ASIC2: variants seen among roughly 807,000 people sequenced by gnomAD.
ASIC2 encodes acid sensing ion channel subunit 2.
A neutral mutation model predicts 57.3 loss-of-function variants in ASIC2; 25 were observed. The ratio of observed to expected loss-of-function variants is 0.44; its 90% CI spans 0.32 to 0.61. The LOEUF is 0.61. Ranked by LOEUF, ASIC2 falls within the 20% of genes least tolerant of loss-of-function variation. ASIC2 has a pLI of 0.06. For missense variants in ASIC2, 641 were observed against 738.1 expected, an observed-to-expected ratio of 0.87 and a Z score of 1.52; for synonymous variants, 319 against 307.5, an observed-to-expected ratio of 1.04 and a Z score of -0.39.
chr17:33,334,807 G>A (rs944118278), intron 1 of ASIC2, among the ~76,000 whole-genome samples: 13 of 152,174 alleles, frequency 8.5e-5, no homozygotes, highest in South Asian at 6.2e-4. Flanking sequence ...GATGGGGGTC[G>A]TCTTTTTGCA....
At chr17:33,919,035 C>T (rs1892446643) in intron 1 of ASIC2, among the ~76,000 whole-genome samples, 1 of 152,150 alleles carries the variant, frequency 6.6e-6, no homozygotes, top group African/African-American at 2.4e-5. Context: ...GCCATGATCC[C>T]CACCTGCCCC....
At chr17:33,680,177 T>G (rs1907956704) in intron 1 of ASIC2, among the ~76,000 whole-genome samples, 1 of 152,012 alleles carries the variant, frequency 6.6e-6, no homozygotes, top group Non-Finnish European at 1.5e-5. Context: ...TCTTGGGCCT[T>G]CTCCCCATTC....
chr17:33,709,769 A>T (rs1908970511), intron 1 of ASIC2, among the ~76,000 whole-genome samples: 1 of 152,174 alleles, frequency 6.6e-6, no homozygotes, highest in South Asian at 2.1e-4. Context: ...GGTATAAAGA[A>T]CCCTTAATAT....
chr17:33,321,221 C>T (rs966509505), intron 1 of ASIC2, among the ~76,000 whole-genome samples: 2 of 152,112 alleles, frequency 1.3e-5, no homozygotes, highest in African/African-American at 2.4e-5. Context: ...AATACGTGTG[C>T]CATTATTTCC....
chr17:33,826,777 G>A (rs912602088), intron 1 of ASIC2, among the ~76,000 whole-genome samples: 1 of 152,124 alleles, frequency 6.6e-6, no homozygotes, highest in African/African-American at 2.4e-5. Flanking sequence ...GGAAAAGGAG[G>A]GAAGTCGTTA....
chr17:33,712,849 T>G (rs981000495), intron 1 of ASIC2, among the ~76,000 whole-genome samples: 1 of 151,280 alleles, frequency 6.6e-6, no homozygotes, highest in Admixed American at 6.6e-5. Flanking sequence ...GTTTCACCGT[T>G]TTAGCCGGGA....
chr17:33,428,387 G>A (rs1911289653), intron 1 of ASIC2, among the ~76,000 whole-genome samples: 1 of 152,142 alleles, frequency 6.6e-6, no homozygotes. Flanking sequence ...TTAGAGAATC[G>A]AGTGAGTAAG....
At chr17:33,892,447 G>A (rs937700997) in intron 1 of ASIC2, among the ~76,000 whole-genome samples, 1 of 152,068 alleles carries the variant, frequency 6.6e-6, no homozygotes, top group Non-Finnish European at 1.5e-5. Context: ...GAATATTTAC[G>A]CCCACCTGGC....
At chr17:33,169,744 T>C (rs1427708995) in intron 1 of ASIC2, among the ~76,000 whole-genome samples, 1 of 152,198 alleles carries the variant, frequency 6.6e-6, no homozygotes, top group African/African-American at 2.4e-5. Context: ...TCTCACATCC[T>C]TCTCTGCCAT....
intron 1 of ASIC2, among the ~76,000 whole-genome samples, chr17:33,383,945 T>A (rs1417788037): frequency 6.6e-6 from 1 of 151,762 alleles, no homozygotes; most frequent in Non-Finnish European, 1.5e-5. Flanking sequence ...TACTCAGGAG[T>A]GAGTTAAACA....
intron 3 of ASIC2, among the ~76,000 whole-genome samples, chr17:33,049,253 A>G (rs754887696): frequency 2.0e-5 from 3 of 152,156 alleles, no homozygotes; most frequent in Non-Finnish European, 4.4e-5. Flanking sequence ...TGGGAGTAGC[A>G]TGGTGTGGCT....
At chr17:33,361,931 G>A (rs756673915) in intron 1 of ASIC2, among the ~76,000 whole-genome samples, 4 of 152,074 alleles carry the variant, frequency 2.6e-5, no homozygotes, top group Non-Finnish European at 2.9e-5. Context: ...CTTGACCTTC[G>A]CTTGGTTTTA....
At chr17:33,706,288 T>C (rs1405911451) in intron 1 of ASIC2, among the ~76,000 whole-genome samples, 1 of 151,466 alleles carries the variant, frequency 6.6e-6, no homozygotes, top group East Asian at 1.9e-4. Flanking sequence ...AGTGGCACAT[T>C]CTCAGCTCAC....
chr17:33,471,050 G>A (rs1276400073), intron 1 of ASIC2, among the ~76,000 whole-genome samples: 1 of 152,148 alleles, frequency 6.6e-6, no homozygotes, highest in African/African-American at 2.4e-5. Context: ...GTCACACCAG[G>A]CCAGGTAGCT....
chr17:33,196,248 A>G (rs1172540833), intron 1 of ASIC2, among the ~76,000 whole-genome samples: 1 of 152,182 alleles, frequency 6.6e-6, no homozygotes, highest in Non-Finnish European at 1.5e-5. Context: ...GATGGAACTG[A>G]CATACAAATC....
intron 1 of ASIC2, among the ~76,000 whole-genome samples, chr17:33,687,883 C>T (rs573713337): frequency 1.7e-4 from 26 of 152,220 alleles, no homozygotes; most frequent in African/African-American, 6.0e-4. Flanking sequence ...TGGCTCTTCC[C>T]AAAAGCAATT....
chr17:33,331,599 C>T (rs2142226350), intron 1 of ASIC2, among the ~76,000 whole-genome samples: 1 of 152,308 alleles, frequency 6.6e-6, no homozygotes, highest in African/African-American at 2.4e-5. Context: ...TGCACTTCTG[C>T]ACAGGTCTGT....
chr17:33,178,654 G>A (rs1349499364), intron 1 of ASIC2, among the ~76,000 whole-genome samples: 1 of 152,212 alleles, frequency 6.6e-6, no homozygotes, highest in Non-Finnish European at 1.5e-5. Context: ...CGTGCTATCT[G>A]AGTTCTAGGT....
intron 1 of ASIC2, among the ~76,000 whole-genome samples, chr17:33,705,203 A>C (rs1423691658): frequency 6.6e-6 from 1 of 152,254 alleles, no homozygotes; most frequent in African/African-American, 2.4e-5. Context: ...ATTCAAGAAC[A>C]CTATGGAGTT....
Sources: gnomAD v4.1 joint callset for allele counts (sites outside exome capture counted in the v4.1 genomes callset) on GRCh38, gnomAD v4.1.1 for gene constraint, MANE v1.5 for transcripts, NCBI Gene and HGNC (gene_info 2026-07-23, HGNC 2026-07-21) for gene names.